The following STRN3 variants were observed in gnomAD, a reference collection of about 807,000 sequenced individuals.
STRN3 encodes striatin-3.
STRN3 carries 29 observed loss-of-function variants against 95.6 expected under a neutral mutation model. That is an observed-to-expected ratio of 0.30 (90% CI 0.23 to 0.41). STRN3 has a LOEUF of 0.41. Among genes scored for constraint, STRN3 ranks in the 10% least tolerant of loss-of-function variants. The pLI is 1.00. For missense variants in STRN3, 890 were observed against 972.1 expected (o/e 0.92, Z 1.12); for synonymous variants, 331 against 357.6 (o/e 0.93, Z 0.84).
At chr14:30,946,196 T>TC (rs1178508758) in intron 5 of STRN3, among the ~76,000 whole-genome samples, 1 of 152,188 alleles carries the variant, frequency 6.6e-6, no homozygotes, top group East Asian at 1.9e-4. Context: ...CTACATGAAA[T>TC]CAGTCTCAAA....
At chr14:30,934,696 C>T (rs1004930091) in intron 7 of STRN3, among the ~76,000 whole-genome samples, 1 of 152,056 alleles carries the variant, frequency 6.6e-6, no homozygotes, top group Non-Finnish European at 1.5e-5. Flanking sequence ...GGATGAGTAG[C>T]TTTATTCTTT....
At chr14:30,931,202 T>C (rs1472712634) in intron 7 of STRN3, among the ~76,000 whole-genome samples, 1 of 152,136 alleles carries the variant, frequency 6.6e-6, no homozygotes, top group Non-Finnish European at 1.5e-5. Flanking sequence ...GGTGAATGCA[T>C]ATGTGCACAA....
At chr14:30,955,597 AG>A in intron 3 of STRN3, 22 bp downstream of exon 3, 2 of 1,532,334 alleles carry the variant, frequency 1.3e-6, no homozygotes, top group Admixed American at 2.3e-5. Flanking sequence ...AAAAAAAAAA[AG>A]TAACAGAAGA....
chr14:30,979,033 CAAAAAAAAAAAAAA>C (rs10585744), intron 1 of STRN3, among the ~76,000 whole-genome samples: 1 of 65,462 alleles, frequency 1.5e-5, no homozygotes. Flanking sequence ...GACTCCATCT[CAAAAAAAAAAAAAA>C]AAAAAAAAAA....
chr14:30,949,615 C>G (rs1207952723), intron 4 of STRN3, among the ~76,000 whole-genome samples: 2 of 151,352 alleles, frequency 1.3e-5, no homozygotes, highest in Non-Finnish European at 2.9e-5. Flanking sequence ...GTCCGGGAGG[C>G]GGAGGTGATA....
chr14:30,937,346 T>C (rs1047889803), intron 5 of STRN3, among the ~76,000 whole-genome samples: 1 of 152,020 alleles, frequency 6.6e-6, no homozygotes, highest in Non-Finnish European at 1.5e-5. Flanking sequence ...AAATAATTTA[T>C]CAAGCAGCCC....
intron 1 of STRN3, among the ~76,000 whole-genome samples, chr14:31,004,115 C>G (rs961204572): frequency 1.3e-5 from 2 of 151,962 alleles, no homozygotes; most frequent in African/African-American, 2.4e-5. Flanking sequence ...GAAACCCCAT[C>G]TCTACAAAAA....
chr14:30,985,751 A>T (rs1195204547), intron 1 of STRN3, among the ~76,000 whole-genome samples: 3 of 151,994 alleles, frequency 2.0e-5, no homozygotes, highest in Non-Finnish European at 4.4e-5. Context: ...TAGTTTTATC[A>T]TAAGAAATAT....
chr14:30,945,220 G>A (rs1284432563), intron 5 of STRN3, among the ~76,000 whole-genome samples: 4 of 152,180 alleles, frequency 2.6e-5, no homozygotes, highest in African/African-American at 9.7e-5. Context: ...TGGTGGGGAG[G>A]TAAAACAGTG....
chr14:30,914,004 A>C (rs1896673107), intron 9 of STRN3, among the ~76,000 whole-genome samples: 5 of 152,178 alleles, frequency 3.3e-5, no homozygotes, highest in Admixed American at 3.3e-4. Context: ...TAAATAATGG[A>C]GTTAAATATC....
intron 1 of STRN3, among the ~76,000 whole-genome samples, chr14:30,997,813 A>G (rs1882272946): frequency 6.6e-6 from 1 of 152,194 alleles, no homozygotes; most frequent in African/African-American, 2.4e-5. Flanking sequence ...GACACAGAGA[A>G]GGTAATGTCA....
At chr14:31,006,902 AG>A (rs960185664) in intron 1 of STRN3, among the ~76,000 whole-genome samples, 1 of 151,930 alleles carries the variant, frequency 6.6e-6, no homozygotes, top group Non-Finnish European at 1.5e-5. Context: ...GCTTGAACCC[AG>A]GAAGTCCAGG....
At chr14:31,020,905 TG>T (rs1336291823) in intron 1 of STRN3, among the ~76,000 whole-genome samples, 3 of 150,852 alleles carry the variant, frequency 2.0e-5, no homozygotes, top group Admixed American at 2.0e-4. Context: ...GACGCTCTCT[TG>T]AAAAAAAAAA....
intron 8 of STRN3, among the ~76,000 whole-genome samples, chr14:30,921,572 TTACTC>T (rs1340781909): frequency 6.6e-6 from 1 of 152,192 alleles, no homozygotes; most frequent in African/African-American, 2.4e-5. Context: ...GTAGTAGTCT[TTACTC>T]TATTGTGCAG....
At chr14:30,978,090 G>GA (rs1481983439) in intron 1 of STRN3, among the ~76,000 whole-genome samples, 1 of 152,110 alleles carries the variant, frequency 6.6e-6, no homozygotes, top group Non-Finnish European at 1.5e-5. Flanking sequence ...ATTTGAGAAT[G>GA]AAATACCAAT....
intron 11 of STRN3, 40 bp downstream of exon 11, chr14:30,911,945 GAATAATTACTTATATTAGCAAA>G (rs879270512): frequency 5.1e-6 from 8 of 1,573,586 alleles, no homozygotes; most frequent in Non-Finnish European, 6.0e-6. Context: ...CAATAATGAG[GAATAATTACTTATATTAGCAAA>G]ATTGGAAGAA....
intron 13 of STRN3, among the ~76,000 whole-genome samples, chr14:30,909,359 G>T (rs899641797): frequency 6.6e-6 from 1 of 151,894 alleles, no homozygotes; most frequent in Non-Finnish European, 1.5e-5. Flanking sequence ...AAATTAGTGC[G>T]GTGTGGTGGC....
chr14:31,012,191 G>A (rs1226400936), intron 1 of STRN3, among the ~76,000 whole-genome samples: 2 of 152,164 alleles, frequency 1.3e-5, no homozygotes, highest in Non-Finnish European at 2.9e-5. Context: ...CTTATCCATT[G>A]TTACTCTCTC....
rs182852641 is a variant in STRN3 at position 30,910,343 on chromosome 14, C to T, written c.1720+698G>A. 2.2e-4 allele frequency among the ~76,000 whole-genome samples: 33 copies of T among 152,340 alleles called. 1 individual carries two copies. The highest frequency in any genetic ancestry group is 5.9e-4 in the Admixed American group (9 of 15,302). On this transcript the variant is annotated intron_variant, in intron 13 of 17. Coordinates refer to ENST00000357479, the MANE Select transcript of STRN3 (RefSeq NM_001083893.2). ...CTTATCTGTTTTATGTCTCTACTTTCCATTAGTCTAAATCTTATTTCTTGA... is the reference window on the plus strand; with the variant it reads ...CTTATCTGTTTTATGTCTCTACTTTTCATTAGTCTAAATCTTATTTCTTGA...
Sources: gnomAD v4.1 joint callset for allele counts (sites outside exome capture counted in the v4.1 genomes callset) on GRCh38, gnomAD v4.1.1 for gene constraint, MANE v1.5 for transcripts, NCBI Gene and HGNC (gene_info 2026-07-23, HGNC 2026-07-21) for gene names.